The following TMEM266 variants were observed in gnomAD, a reference collection of about 807,000 sequenced individuals.
TMEM266 encodes the protein Hv1 related protein 1.
Under a neutral mutation model 50.5 loss-of-function variants are expected in TMEM266, and 33 were observed. The ratio of observed to expected loss-of-function variants is 0.65; its 90% CI spans 0.50 to 0.87. The LOEUF is 0.87. Among genes scored for constraint, TMEM266 ranks in the 40% least tolerant of loss-of-function variants. TMEM266 has a pLI of 0.00. For missense variants in TMEM266, 655 were observed against 695.1 expected, an observed-to-expected ratio of 0.94 and a Z score of 0.65; for synonymous variants, 310 against 292.3, an observed-to-expected ratio of 1.06 and a Z score of -0.62.
At position 76,139,049 on chromosome 15, in the gene TMEM266, G is replaced by A. The variant is rs1335015507; in HGVS notation, c.227+1154G>A. Among the ~76,000 whole-genome samples, 1 of 152,194 alleles carries A rather than the reference G, an allele frequency of 6.6e-6. No individual in the cohort carries two copies. Among genetic ancestry groups the A allele is most frequent in the Non-Finnish European group, 1.5e-5 (1 of 68,036 alleles). ...CACCCTGGCAGGACCTTAGGAGCCA[G>A]TTCTGGACTTTTCTTTCCTGGGTGC... On this transcript the variant is annotated intron_variant, in intron 3 of 10. Coordinates refer to ENST00000388942, the MANE Select transcript of TMEM266 (RefSeq NM_152335.3). This position sits in a 1 kb window ranked among gnomAD's most constrained non-coding sequence, Gnocchi z 4.1.
intron 7 of TMEM266, among the ~76,000 whole-genome samples, chr15:76,174,280 G>A (rs2038236285): frequency 6.6e-6 from 1 of 152,190 alleles, no homozygotes; most frequent in Admixed American, 6.5e-5. Context: ...GCCAGGCATG[G>A]TAGCTCATGC....
chr15:76,185,489 T>C (rs2038479357), intron 8 of TMEM266, among the ~76,000 whole-genome samples: 1 of 152,264 alleles, frequency 6.6e-6, no homozygotes, highest in South Asian at 2.1e-4. Flanking sequence ...TTATAGAGTC[T>C]AACTCTCTGC....
At chr15:76,061,352 A>T (rs1449020156) in intron 1 of TMEM266, among the ~76,000 whole-genome samples, 1 of 152,184 alleles carries the variant, frequency 6.6e-6, no homozygotes, top group Non-Finnish European at 1.5e-5. Flanking sequence ...TGCTATGTCC[A>T]TGTTGAAGAT....
At chr15:76,136,654 C>A (rs1024696678) in intron 2 of TMEM266, among the ~76,000 whole-genome samples, 4 of 152,152 alleles carry the variant, frequency 2.6e-5, no homozygotes, top group African/African-American at 9.7e-5. Context: ...TGGACAGAGG[C>A]ACAAGACTGA....
At chr15:76,181,799 C>T (rs1596159315) in intron 8 of TMEM266, among the ~76,000 whole-genome samples, 1 of 152,186 alleles carries the variant, frequency 6.6e-6, no homozygotes, top group Non-Finnish European at 1.5e-5. Flanking sequence ...CACGAAACCA[C>T]CTCTGAGGTT....
intron 3 of TMEM266, among the ~76,000 whole-genome samples, chr15:76,150,652 G>A (rs1326114244): frequency 1.3e-5 from 2 of 152,164 alleles, no homozygotes; most frequent in Non-Finnish European, 2.9e-5. Context: ...AGTGGATTGT[G>A]GGGTGGGAGA....
At position 76,084,973 on chromosome 15, in the gene TMEM266, T is replaced by TA. The variant is rs1429788037; in HGVS notation, c.-97+24958dup. Among the ~76,000 whole-genome samples, 271 of 150,672 alleles carry TA rather than the reference T, an allele frequency of 1.8e-3. 2 individuals carry two copies. The highest frequency in any genetic ancestry group is 5.2e-4 in the Non-Finnish European group (35 of 67,688). On this transcript the variant is annotated intron_variant, in intron 1 of 10. Transcript: ENST00000388942. ...TTTTCTTTTTCCTTTTTTTTTTTTT[T>TA]ATTGAGACAAGAGTCTCACTCTGTT...
chr15:76,129,815 G>C (rs1332421699), intron 1 of TMEM266, among the ~76,000 whole-genome samples: 1 of 152,044 alleles, frequency 6.6e-6, no homozygotes, highest in African/African-American at 2.4e-5. Context: ...TGAGACCTAA[G>C]AGTCATATTA....
chr15:76,134,246 T>A lies in TMEM266; in HGVS notation c.-18T>A. 1.2e-6 allele frequency: 2 copies of A among 1,613,934 alleles called. No homozygotes were observed. The highest frequency in any genetic ancestry group is 8.5e-7 in the Non-Finnish European group (1 of 1,179,810). On this transcript the variant is annotated 5_prime_UTR_variant, in exon 2 of 11. An upstream open reading frame in the 5' UTR loses its in-frame stop. Transcript: ENST00000388942. ...AGGCTTCAGGACAGCTGAGCCCCAC[T>A]AAACACCAAGAAAACCCATGGCTGT...
At chr15:76,141,921 T>A (rs898048685) in intron 3 of TMEM266, among the ~76,000 whole-genome samples, 2 of 152,240 alleles carry the variant, frequency 1.3e-5, no homozygotes, top group African/African-American at 4.8e-5. Context: ...TCAGAATTTC[T>A]TTCCTTTTTA....
At chr15:76,145,198 C>T (rs2037739288) in intron 3 of TMEM266, among the ~76,000 whole-genome samples, 1 of 152,190 alleles carries the variant, frequency 6.6e-6, no homozygotes, top group Admixed American at 6.5e-5. Flanking sequence ...AACTTCATCC[C>T]ATGGCTTCTG....
chr15:76,182,535 T>G (rs377512027), intron 8 of TMEM266, among the ~76,000 whole-genome samples: 131 of 151,870 alleles, frequency 8.6e-4, no homozygotes, highest in African/African-American at 3.0e-3. Context: ...TCCCAGCTAC[T>G]CAGGAGGCTG....
chr15:76,150,536 C>T (rs1452087222), intron 3 of TMEM266, among the ~76,000 whole-genome samples: 1 of 152,230 alleles, frequency 6.6e-6, no homozygotes, highest in East Asian at 1.9e-4. Flanking sequence ...GCTCTAGCCA[C>T]TCCCCAGCTT....
chr15:76,130,006 T>C (rs1463231760), intron 1 of TMEM266, among the ~76,000 whole-genome samples: 2 of 151,296 alleles, frequency 1.3e-5, no homozygotes, highest in Non-Finnish European at 2.9e-5. Context: ...GGAAGATTGC[T>C]TGAGCCTAGG....
At chr15:76,146,318 G>A (rs1230608445) in intron 3 of TMEM266, among the ~76,000 whole-genome samples, 2 of 152,168 alleles carry the variant, frequency 1.3e-5, no homozygotes, top group Non-Finnish European at 2.9e-5. Flanking sequence ...CATGGGTGAG[G>A]AAGTGGGATA....
intron 1 of TMEM266, among the ~76,000 whole-genome samples, chr15:76,062,518 A>C (rs1293047315): frequency 6.6e-6 from 1 of 152,218 alleles, no homozygotes; most frequent in African/African-American, 2.4e-5. Flanking sequence ...TTTCCAGTCT[A>C]TGATCAGATA....
intron 1 of TMEM266, among the ~76,000 whole-genome samples, chr15:76,087,865 A>G (rs1026131567): frequency 1.3e-5 from 2 of 152,148 alleles, no homozygotes; most frequent in African/African-American, 4.8e-5. Context: ...CATCTCTCCT[A>G]AGCCCCCCTC....
chr15:76,127,145 A>C (rs1056496685), intron 1 of TMEM266, among the ~76,000 whole-genome samples: 2 of 152,168 alleles, frequency 1.3e-5, no homozygotes, highest in South Asian at 2.1e-4. Context: ...ATATGATGTG[A>C]TCGGTATGTT....
In TMEM266 at chr15:76,179,437, G is replaced by A. The variant is rs528244826; in HGVS notation, c.768+3763G>A. ...TGAGCAGTGGCAGCTCGCCTTGGGG[G>A]CACACAGCTAGTCCAGGGGGGCATA... On this transcript the variant is annotated intron_variant, in intron 8 of 10. Coordinates refer to ENST00000388942, the MANE Select transcript of TMEM266 (RefSeq NM_152335.3). Among the ~76,000 whole-genome samples, 79 of 152,282 alleles carry A rather than the reference G, an allele frequency of 5.2e-4. 4 individuals are homozygous for A. The South Asian group carries it at 0.016, about 30-fold the overall frequency.
Sources: allele counts gnomAD v4.1 joint callset (sites outside exome capture counted in the v4.1 genomes callset), GRCh38; gene constraint gnomAD v4.1.1; non-coding constraint Gnocchi (gnomAD v3.1); transcripts MANE v1.5; gene names NCBI Gene and HGNC (gene_info 2026-07-23, HGNC 2026-07-21).